The following HPSE2 variants were observed in gnomAD, a reference collection of about 807,000 sequenced individuals.
HPSE2 encodes inactive heparanase-2.
Under a neutral mutation model 60.5 loss-of-function variants are expected in HPSE2, and 38 were observed. The observed-to-expected ratio is 0.63, with a 90% CI of 0.48 to 0.82. The LOEUF (loss-of-function observed/expected upper bound fraction) is 0.82, where lower values mean the gene tolerates loss of function less well. Among genes scored for constraint, HPSE2 ranks in the 40% least tolerant of loss-of-function variants. The pLI is 0.00. For synonymous variants in HPSE2, 295 were observed against 293.2 expected, an observed-to-expected ratio of 1.01 and a Z score of -0.06; for missense variants, 713 against 740.4, an observed-to-expected ratio of 0.96 and a Z score of 0.43.
chr10:98,710,185 C>T (rs971201294), intron 5 of HPSE2, among the ~76,000 whole-genome samples: 3 of 152,096 alleles, frequency 2.0e-5, no homozygotes, highest in Non-Finnish European at 2.9e-5. Flanking sequence ...AATTATATGT[C>T]GAGCTAGACT....
At position 99,232,455 on chromosome 10, in the gene HPSE2, C is replaced by A; in HGVS notation, c.341G>T (p.Arg114Leu). The part of the protein sequence containing the change: ...LARGLSPAFL[R>L]FGGKRTDFLQ... ...GAAGTCGGTCCTTTTGCCCCCGAAGCGCAGAAAGGCGGGCGAAAGTCCCCG... is the reference window on the plus strand; with the variant it reads ...GAAGTCGGTCCTTTTGCCCCCGAAGAGCAGAAAGGCGGGCGAAAGTCCCCG... Residue 114 changes from arginine (R) to leucine (L), a missense_variant, in exon 2 of 12, where the codon CGC (arginine) becomes CTC (leucine). Arg to Leu is a moderately radical substitution (Grantham distance 102). Coordinates refer to ENST00000370552, the MANE Select transcript of HPSE2 (RefSeq NM_021828.5). 6.4e-7 allele frequency: 1 copy of A among 1,558,808 alleles called. No homozygotes were observed.
intron 2 of HPSE2, among the ~76,000 whole-genome samples, chr10:99,219,706 TTAAAA>T (rs1195716131): frequency 6.6e-5 from 10 of 152,212 alleles, no homozygotes; most frequent in African/African-American, 2.4e-4. Flanking sequence ...AGATGCCAAC[TTAAAA>T]TAAGATTACC....
chr10:98,636,576 C>T (rs887560987), intron 7 of HPSE2, among the ~76,000 whole-genome samples: 6 of 151,978 alleles, frequency 3.9e-5, no homozygotes, highest in Non-Finnish European at 7.4e-5. Flanking sequence ...ATTGTATACA[C>T]GTATTGCAAT....
chr10:99,004,022 C>T (rs1956835893), intron 3 of HPSE2, among the ~76,000 whole-genome samples: 1 of 151,990 alleles, frequency 6.6e-6, no homozygotes, highest in African/African-American at 2.4e-5. Flanking sequence ...ATTCAGTTTT[C>T]TCAACACTAT....
At chr10:99,109,138 T>C (rs1225882247) in intron 3 of HPSE2, among the ~76,000 whole-genome samples, 3 of 152,198 alleles carry the variant, frequency 2.0e-5, no homozygotes, top group Non-Finnish European at 4.4e-5. Flanking sequence ...AAGTCTTTAA[T>C]TGTATAACTG....
chr10:99,163,086 C>G (rs1456824420), intron 2 of HPSE2, among the ~76,000 whole-genome samples: 1 of 152,006 alleles, frequency 6.6e-6, no homozygotes, highest in East Asian at 1.9e-4. Flanking sequence ...TGGCAGACGC[C>G]TGTAGTCCCA....
chr10:99,139,325 T>G (rs867188939), intron 3 of HPSE2, among the ~76,000 whole-genome samples: 1 of 152,038 alleles, frequency 6.6e-6, no homozygotes, highest in Admixed American at 6.6e-5. Context: ...AACTAGATAT[T>G]GGGTAGAATG....
chr10:99,194,571 C>T (rs1848328867), intron 2 of HPSE2, among the ~76,000 whole-genome samples: 2 of 149,660 alleles, frequency 1.3e-5, no homozygotes, highest in African/African-American at 2.4e-5. Flanking sequence ...AAAAAGAAGA[C>T]ATTACAACTG....
At position 98,600,511 on chromosome 10, in the gene HPSE2, GTC is replaced by G. The variant is rs1945366382; in HGVS notation, c.1320+14391_1320+14392del. Among the ~76,000 whole-genome samples, 5 of 151,954 alleles carry G rather than the reference GTC, an allele frequency of 3.3e-5. No individual in the cohort carries two copies. The South Asian group carries it at 1.0e-3, about 32-fold the overall frequency. On this transcript the variant is annotated intron_variant, in intron 9 of 11. Coordinates refer to ENST00000370552, the MANE Select transcript of HPSE2 (RefSeq NM_021828.5). ...CAAACTTTTATTGAGTACCTACTGT[GTC>G]TGAGGAGTATAGAGATTACCAAAAA...
chr10:99,278,944 T>A, the HPSE2 span, among the ~76,000 whole-genome samples: 1 of 152,182 alleles, frequency 6.6e-6, no homozygotes, highest in African/African-American at 2.4e-5. Context: ...GGAGACTATG[T>A]TCTAGGCAAG....
chr10:98,554,591 T>C (rs1458761884), intron 9 of HPSE2, among the ~76,000 whole-genome samples: 1 of 152,206 alleles, frequency 6.6e-6, no homozygotes, highest in Non-Finnish European at 1.5e-5. Context: ...TGACGTTTAC[T>C]AAATAGTTGA....
chr10:98,499,090 C>T (rs1247200160), intron 9 of HPSE2, among the ~76,000 whole-genome samples: 1 of 152,104 alleles, frequency 6.6e-6, no homozygotes, highest in Non-Finnish European at 1.5e-5. Context: ...GGGGAATAAT[C>T]GAGGAAAACT....
chr10:98,938,255 T>C (rs1298006555), intron 3 of HPSE2, among the ~76,000 whole-genome samples: 1 of 144,406 alleles, frequency 6.9e-6, no homozygotes, highest in East Asian at 2.0e-4. Context: ...CTTTGACGAG[T>C]TGAGAGAAGA....
At chr10:98,605,923 C>G (rs1375438014) in intron 9 of HPSE2, among the ~76,000 whole-genome samples, 1 of 152,220 alleles carries the variant, frequency 6.6e-6, no homozygotes, top group Non-Finnish European at 1.5e-5. Context: ...CTTCCACCAG[C>G]CTCTCTAATG....
At chr10:98,609,437 A>G (rs1327901185) in intron 9 of HPSE2, among the ~76,000 whole-genome samples, 2 of 152,222 alleles carry the variant, frequency 1.3e-5, no homozygotes, top group Admixed American at 6.5e-5. Flanking sequence ...TCTTTGAAAA[A>G]TAGGCCTTCT....
At chr10:98,737,765 C>T (rs1949395221) in intron 4 of HPSE2, among the ~76,000 whole-genome samples, 1 of 152,086 alleles carries the variant, frequency 6.6e-6, no homozygotes, top group Admixed American at 6.6e-5. Flanking sequence ...ATCCAACTTA[C>T]AAGGGATGTG....
At chr10:99,094,263 T>C (rs1040159830) in intron 3 of HPSE2, among the ~76,000 whole-genome samples, 6 of 151,834 alleles carry the variant, frequency 4.0e-5, no homozygotes, top group Non-Finnish European at 7.4e-5. Context: ...GAGGCACATA[T>C]GGTTTAATCT....
In HPSE2 at chr10:98,718,362, C is replaced by A. The variant is rs77141109; in HGVS notation, c.956+3295G>T. On this transcript the variant is annotated intron_variant, in intron 5 of 11. Transcript: ENST00000370552. ...ATCTCTGTCTTCATAGAGTTCATAT[C>A]CTAACTGGAAAGACAGTCCTGTTTA... Among the ~76,000 whole-genome samples, 1,142 of 152,228 alleles carry A rather than the reference C, an allele frequency of 7.5e-3. 5 individuals are homozygous for A. Among genetic ancestry groups the A allele is most frequent in the Non-Finnish European group, 0.013 (877 of 68,004 alleles).
chr10:99,168,135 T>C (rs1847161914), intron 2 of HPSE2, among the ~76,000 whole-genome samples: 1 of 140,422 alleles, frequency 7.1e-6, no homozygotes, highest in South Asian at 2.2e-4. Context: ...CACGGCTTTG[T>C]AGGAGTTTGA....
Sources: allele counts gnomAD v4.1 joint callset (sites outside exome capture counted in the v4.1 genomes callset), GRCh38; gene constraint gnomAD v4.1.1; transcripts MANE v1.5; gene names NCBI Gene and HGNC (gene_info 2026-07-23, HGNC 2026-07-21).